DYM: variants seen among roughly 807,000 people sequenced by gnomAD.
The protein encoded by DYM is dymeclin.
In DYM, 78 loss-of-function variants were observed where a neutral mutation model predicts 93.1. The observed-to-expected ratio is 0.84, with a 90% confidence interval of 0.70 to 1.01. The LOEUF (loss-of-function observed/expected upper bound fraction) is 1.01. Among genes scored for constraint, DYM ranks in the 50% least tolerant of loss-of-function variants. DYM has a pLI of 0.00. For synonymous variants in DYM, 321 were observed against 319.7 expected, an observed-to-expected ratio of 1.00 and a Z score of -0.04; for missense variants, 789 against 845.0, an observed-to-expected ratio of 0.93 and a Z score of 0.82.
chr18:49,140,947 A>G (rs1243851519), intron 15 of DYM, among the ~76,000 whole-genome samples: 3 of 152,106 alleles, frequency 2.0e-5, no homozygotes, highest in Non-Finnish European at 4.4e-5. Flanking sequence ...TTTAATCCTC[A>G]TCTTACCCTC....
intron 8 of DYM, among the ~76,000 whole-genome samples, chr18:49,293,505 T>G (rs1226922215): frequency 1.3e-5 from 2 of 152,222 alleles, no homozygotes; most frequent in Non-Finnish European, 2.9e-5. Context: ...CCTGACTTTT[T>G]AATGATCACC....
At chr18:49,301,793 T>C (rs1036286339) in intron 8 of DYM, among the ~76,000 whole-genome samples, 1 of 152,236 alleles carries the variant, frequency 6.6e-6, no homozygotes, top group Non-Finnish European at 1.5e-5. Context: ...TTCAGCAGTA[T>C]GCATAATCCA....
At chr18:49,110,011 TG>T (rs1264987410) in intron 16 of DYM, among the ~76,000 whole-genome samples, 1 of 152,210 alleles carries the variant, frequency 6.6e-6, no homozygotes, top group African/African-American at 2.4e-5. Flanking sequence ...TTAGACAAAA[TG>T]GGTTGGCAAC....
rs2144108984 is a variant in DYM, at chr18:49,222,215, T to C, written c.1461-12500A>G. ...AGAGAAAAACATTATATTTATGTTA[T>C]TCAAAAAAGCAAATCAGAATTTCTG... On this transcript the variant is annotated intron_variant, in intron 13 of 17. Coordinates refer to ENST00000675505, the MANE Select transcript of DYM (RefSeq NM_001353214.3). Among the ~76,000 whole-genome samples, 3 of 152,208 alleles carry C rather than the reference T, an allele frequency of 2.0e-5. No homozygotes were observed. The Middle Eastern group carries it at 0.01, about 518-fold the overall frequency.
At chr18:49,397,695 A>G (rs1351377892) in intron 2 of DYM, among the ~76,000 whole-genome samples, 1 of 152,198 alleles carries the variant, frequency 6.6e-6, no homozygotes, top group African/African-American at 2.4e-5. Flanking sequence ...AAGAAAACTG[A>G]TTGCTCTTAG....
At chr18:49,317,317 T>C (rs1440845976) in intron 8 of DYM, among the ~76,000 whole-genome samples, 2 of 152,196 alleles carry the variant, frequency 1.3e-5, no homozygotes, top group Non-Finnish European at 2.9e-5. Flanking sequence ...TGATGGATTT[T>C]AACAATTTTT....
intron 16 of DYM, among the ~76,000 whole-genome samples, chr18:49,107,088 G>C (rs902552910): frequency 8.5e-5 from 13 of 152,132 alleles, no homozygotes; most frequent in Non-Finnish European, 1.8e-4. Context: ...CATATTTCTT[G>C]GAGGCTTTGT....
chr18:49,383,303 C>T (rs1174468537), intron 3 of DYM, among the ~76,000 whole-genome samples: 1 of 151,482 alleles, frequency 6.6e-6, no homozygotes, highest in Non-Finnish European at 1.5e-5. Context: ...TTTAAGAATC[C>T]TTATTTAGAG....
intron 13 of DYM, among the ~76,000 whole-genome samples, chr18:49,229,150 A>AAT (rs2093626547): frequency 1.3e-5 from 2 of 151,872 alleles, no homozygotes; most frequent in Non-Finnish European, 2.9e-5. Context: ...TATTAACCTA[A>AAT]TAATCTAATA....
At chr18:49,319,382 T>A (rs1036245025) in intron 8 of DYM, among the ~76,000 whole-genome samples, 6 of 152,210 alleles carry the variant, frequency 3.9e-5, no homozygotes, top group Admixed American at 2.6e-4. Flanking sequence ...GCACTTATTA[T>A]CCTTTTTAAT....
At chr18:49,208,038 C>G (rs2092605385) in intron 14 of DYM, among the ~76,000 whole-genome samples, 1 of 151,806 alleles carries the variant, frequency 6.6e-6, no homozygotes, top group African/African-American at 2.4e-5. Flanking sequence ...TAAAAATTAG[C>G]CAGGCGTGGT....
intron 2 of DYM, among the ~76,000 whole-genome samples, chr18:49,393,027 A>AAGGAGGAGGAGG (rs142926004): frequency 3.7e-5 from 2 of 54,704 alleles, no homozygotes; most frequent in African/African-American, 5.5e-5. Context: ...GAAGAGGAAG[A>AAGGAGGAGGAGG]AGGAGGAGGA....
intron 2 of DYM, among the ~76,000 whole-genome samples, chr18:49,425,207 T>C (rs2074151201): frequency 6.6e-6 from 1 of 152,060 alleles, no homozygotes; most frequent in Admixed American, 6.6e-5. Context: ...TATAGATCAA[T>C]GGAACAGAAC....
intron 8 of DYM, among the ~76,000 whole-genome samples, chr18:49,289,636 A>T (rs2059905297): frequency 6.8e-6 from 1 of 147,998 alleles, no homozygotes; most frequent in South Asian, 2.1e-4. Flanking sequence ...ACTTGAGCCC[A>T]GGAGGTTGAG....
At chr18:49,215,522 T>C (rs1035844260) in intron 13 of DYM, among the ~76,000 whole-genome samples, 14 of 152,210 alleles carry the variant, frequency 9.2e-5, no homozygotes, top group African/African-American at 3.1e-4. Context: ...AAACCACTCG[T>C]ATCATCCCAC....
intron 14 of DYM, among the ~76,000 whole-genome samples, chr18:49,203,988 G>C (rs1440633914): frequency 6.9e-6 from 1 of 144,160 alleles, no homozygotes; most frequent in African/African-American, 2.6e-5. Context: ...GCTTCTTTAA[G>C]CCACTATTAT....
At chr18:49,309,895 C>T (rs1472507835) in intron 8 of DYM, among the ~76,000 whole-genome samples, 4 of 152,078 alleles carry the variant, frequency 2.6e-5, no homozygotes, top group Admixed American at 6.6e-5. Flanking sequence ...ACAGAAGGGT[C>T]GAAATCAACC....
intron 11 of DYM, among the ~76,000 whole-genome samples, chr18:49,267,994 A>G (rs2094600509): frequency 6.6e-6 from 1 of 152,232 alleles, no homozygotes; most frequent in African/African-American, 2.4e-5. Flanking sequence ...GGAAAACTGT[A>G]TTAAGGGTAT....
Position 49,250,887 on chromosome 18 carries a change from G to A in DYM, c.1460+6123C>T, listed in dbSNP as rs190979386. Among the ~76,000 whole-genome samples the A allele has an allele frequency of 3.0e-4, 46 of 152,326 alleles. 1 individual carries two copies. The highest frequency in any genetic ancestry group is 1.1e-3 in the African/African-American group (45 of 41,580). ...TATATGGCAAATGGCAATTGAAGAC[G>A]AAGGGCAAAGGGCAGGGCCCAGACT... On this transcript the variant is annotated intron_variant, in intron 13 of 17. Coordinates refer to ENST00000675505, the MANE Select transcript of DYM (RefSeq NM_001353214.3).
Sources: allele counts gnomAD v4.1 joint callset (sites outside exome capture counted in the v4.1 genomes callset), GRCh38; gene constraint gnomAD v4.1.1; transcripts MANE v1.5; gene names NCBI Gene and HGNC (gene_info 2026-07-23, HGNC 2026-07-21).